Variants in SLCO5A1 observed in about 807,000 individuals in gnomAD.
SLCO5A1 encodes solute carrier organic anion transporter family member 5A1.
In SLCO5A1, 39 loss-of-function variants were observed where a neutral mutation model predicts 65.1. The ratio of observed to expected loss-of-function variants is 0.60; its 90% CI spans 0.46 to 0.78. The LOEUF (loss-of-function observed/expected upper bound fraction) is 0.78, where lower values mean the gene tolerates loss of function less well. SLCO5A1 is among the 30% of genes least tolerant of loss of function. SLCO5A1 has a pLI of 0.00. For synonymous variants in SLCO5A1, 438 were observed against 415.7 expected (o/e 1.05, Z -0.65); for missense variants, 1,029 against 1,069.4 (o/e 0.96, Z 0.53).
intron 5 of SLCO5A1, among the ~76,000 whole-genome samples, chr8:69,712,057 C>T (rs1177220647): frequency 1.3e-5 from 2 of 152,156 alleles, no homozygotes; most frequent in African/African-American, 4.8e-5. Flanking sequence ...TTGATATTTA[C>T]TTACTATGTG....
intron 2 of SLCO5A1, among the ~76,000 whole-genome samples, chr8:69,806,988 C>A (rs1814666): frequency 0.012 from 1,861 of 152,276 alleles, 42 homozygotes; most frequent in African/African-American, 0.043. Flanking sequence ...CCAGAAAAAA[C>A]CACTTTAAAA....
At chr8:69,831,265 GAA>G (rs58430287) in intron 2 of SLCO5A1, among the ~76,000 whole-genome samples, 331 of 140,418 alleles carry the variant, frequency 2.4e-3, no homozygotes, top group African/African-American at 6.5e-3. Context: ...ATCTTAAAAA[GAA>G]AAAAAAAAAA....
intron 6 of SLCO5A1, among the ~76,000 whole-genome samples, chr8:69,686,622 G>A (rs890823551): frequency 3.3e-5 from 5 of 152,146 alleles, no homozygotes; most frequent in African/African-American, 1.2e-4. Flanking sequence ...GATTTGAGAG[G>A]ATAGGCACTG....
At chr8:69,747,164 G>A (rs972362295) in intron 4 of SLCO5A1, among the ~76,000 whole-genome samples, 10 of 152,176 alleles carry the variant, frequency 6.6e-5, no homozygotes, top group Admixed American at 4.6e-4. Flanking sequence ...TGCATGGCAA[G>A]GCATGCCCCC....
Position 69,673,040 on chromosome 8 carries a change from A to T in SLCO5A1, c.2376T>A (p.Thr792=), listed in dbSNP as rs1813393805. Residue 792 remains threonine (T), a synonymous_variant, in exon 10 of 10, where the codon ACT becomes ACA. Coordinates refer to ENST00000260126, the MANE Select transcript of SLCO5A1 (RefSeq NM_030958.3). The part of the protein sequence containing the change: ...ERVGHPDNAR[T]RSCPAFSTQG... ...GGGTGCTGAAAGCTGGGCAAGATCT[A>T]GTCCGGGCATTGTCGGGGTGTCCCA... 6.2e-7 allele frequency: 1 copy of T among 1,614,090 alleles called. No homozygotes were observed. Among genetic ancestry groups the T allele is most frequent in the African/African-American group, 1.3e-5 (1 of 74,928 alleles).
intron 5 of SLCO5A1, 99 bp downstream of exon 5, chr8:69,737,941 G>T: frequency 7.6e-7 from 1 of 1,314,212 alleles, no homozygotes; most frequent in Non-Finnish European, 1.0e-6. Flanking sequence ...TAATGAACTA[G>T]CTTAACACTT....
chr8:69,728,082 A>G lies in SLCO5A1; in HGVS notation c.1423+9958T>C, dbSNP rs942153712. Among the ~76,000 whole-genome samples the G allele has an allele frequency of 2.6e-5, 4 of 152,232 alleles. No homozygotes were observed. The South Asian group carries it at 6.2e-4, about 24-fold the overall frequency. ...GGGGACTGAATAGACTTCACACAAT[A>G]GAGTACCGTGCAGCTATCCAGAAAT... On this transcript the variant is annotated intron_variant, in intron 5 of 9. Transcript: ENST00000260126.
intron 5 of SLCO5A1, among the ~76,000 whole-genome samples, chr8:69,728,952 A>G (rs1816214024): frequency 6.6e-6 from 1 of 152,152 alleles, no homozygotes; most frequent in African/African-American, 2.4e-5. Flanking sequence ...TCCAAGTACC[A>G]TTTTCCTGTC....
chr8:69,801,242 G>A (rs899293809), intron 2 of SLCO5A1, among the ~76,000 whole-genome samples: 2 of 152,140 alleles, frequency 1.3e-5, no homozygotes, highest in African/African-American at 4.8e-5. Flanking sequence ...GGCAAAAATT[G>A]TCAAATACAG....
intron 2 of SLCO5A1, among the ~76,000 whole-genome samples, chr8:69,810,154 G>T (rs1232828992): frequency 6.6e-6 from 1 of 152,152 alleles, no homozygotes; most frequent in African/African-American, 2.4e-5. Flanking sequence ...AGGAGGCACC[G>T]CATTTAGTGG....
At chr8:69,673,688 A>C (rs934492029) in intron 9 of SLCO5A1, among the ~76,000 whole-genome samples, 5 of 152,148 alleles carry the variant, frequency 3.3e-5, no homozygotes, top group Admixed American at 2.6e-4. Flanking sequence ...TTTTAATCTT[A>C]AAAATTGGAT....
intron 2 of SLCO5A1, among the ~76,000 whole-genome samples, chr8:69,769,628 A>G (rs1818228770): frequency 6.6e-6 from 1 of 152,224 alleles, no homozygotes; most frequent in Non-Finnish European, 1.5e-5. Flanking sequence ...TACATACATT[A>G]TTTAATACAT....
intron 3 of SLCO5A1, 58 bp from the exon 4 acceptor site, chr8:69,755,699 A>G: frequency 1.4e-6 from 2 of 1,464,974 alleles, no homozygotes; most frequent in Non-Finnish European, 1.9e-6. Flanking sequence ...AGTGAGAACA[A>G]ATTAGTAAAG....
At chr8:69,755,848 C>T (rs1378217852) in intron 3 of SLCO5A1, among the ~76,000 whole-genome samples, 2 of 152,130 alleles carry the variant, frequency 1.3e-5, no homozygotes, top group Non-Finnish European at 1.5e-5. Flanking sequence ...ATAATTATAC[C>T]AGTGTTATAC....
Position 69,714,314 on chromosome 8 carries a change from G to A in SLCO5A1, c.1424-9085C>T, listed in dbSNP as rs150119729. ...GCTTCAAGCCAAAACTTAAAGGAGG[G>A]GTAGCAAATCCCTATTTGGACTTAG... is the stretch of plus-strand genomic sequence containing the variant. On this transcript the variant is annotated intron_variant, in intron 5 of 9. Transcript: ENST00000260126. Among the ~76,000 whole-genome samples, 65 of 152,290 alleles carry A rather than the reference G, an allele frequency of 4.3e-4. 1 individual carries two copies. The South Asian group carries it at 7.7e-3, about 18-fold the overall frequency.
At chr8:69,742,405 GAC>G (rs1227766890) in intron 4 of SLCO5A1, among the ~76,000 whole-genome samples, 2 of 152,048 alleles carry the variant, frequency 1.3e-5, no homozygotes, top group East Asian at 3.9e-4. Context: ...ATGAAATAAT[GAC>G]AGTGATTATC....
chr8:69,739,046 C>T (rs6998380), intron 4 of SLCO5A1, among the ~76,000 whole-genome samples: 1 of 152,082 alleles, frequency 6.6e-6, no homozygotes, highest in East Asian at 1.9e-4. Flanking sequence ...TAATGGAAAA[C>T]TAGACAGTAG....
chr8:69,737,926 G>A, intron 5 of SLCO5A1, 114 bp downstream of exon 5: 1 of 1,070,264 alleles, frequency 9.3e-7, no homozygotes, highest in South Asian at 2.1e-5. Flanking sequence ...GGGAAAGGTA[G>A]CTGTTAATGA....
intron 5 of SLCO5A1, among the ~76,000 whole-genome samples, chr8:69,736,369 A>T (rs999822074): frequency 1.3e-5 from 2 of 152,240 alleles, no homozygotes; most frequent in African/African-American, 4.8e-5. Context: ...AGTAACTAAG[A>T]GATGGCTTTA....
Sources: gnomAD v4.1 joint callset for allele counts (sites outside exome capture counted in the v4.1 genomes callset) on GRCh38, gnomAD v4.1.1 for gene constraint, MANE v1.5 for transcripts, NCBI Gene and HGNC (gene_info 2026-07-23, HGNC 2026-07-21) for gene names.